The following ZNF554 variants were observed in gnomAD, a reference collection of about 807,000 sequenced individuals.
ZNF554 encodes the protein zinc finger protein 554.
ZNF554 carries 15 observed loss-of-function variants against 21.2 expected under a neutral mutation model. The observed-to-expected ratio is 0.71, with a 90% CI of 0.47 to 1.09. ZNF554 has a LOEUF of 1.09. Ranked by LOEUF, ZNF554 falls within the 50% of genes least tolerant of loss-of-function variation. ZNF554 has a pLI of 0.00. For missense variants in ZNF554, 691 were observed against 662.7 expected (o/e 1.04, Z -0.47); for synonymous variants, 258 against 251.4 (o/e 1.03, Z -0.25).
At chr19:2,826,057 C>T (rs1004225414) in intron 2 of ZNF554, among the ~76,000 whole-genome samples, 5 of 151,736 alleles carry the variant, frequency 3.3e-5, no homozygotes, top group South Asian at 4.2e-4. Context: ...CCCGTCACCA[C>T]GCTTGACTAA....
chr19:2,820,362 T>G (rs1033511731), intron 1 of ZNF554, among the ~76,000 whole-genome samples: 4 of 152,282 alleles, frequency 2.6e-5, no homozygotes, highest in Admixed American at 2.6e-4. Flanking sequence ...AGGCCCAGCC[T>G]GCAAGGAGAG....
chr19:2,826,867 T>C (rs1599546999), intron 2 of ZNF554, among the ~76,000 whole-genome samples: 1 of 152,206 alleles, frequency 6.6e-6, no homozygotes, highest in East Asian at 1.9e-4. Context: ...TTTCACTGCG[T>C]TCGCCAGGAT....
At chr19:2,823,166 C>T (rs1184305247) in intron 2 of ZNF554, 54 bp downstream of exon 2, 4 of 1,551,144 alleles carry the variant, frequency 2.6e-6, no homozygotes, top group African/African-American at 1.4e-5. Flanking sequence ...AGGGAACAAT[C>T]CCACCAGAAA....
chr19:2,823,873 G>A (rs2087294908), intron 2 of ZNF554, among the ~76,000 whole-genome samples: 1 of 152,126 alleles, frequency 6.6e-6, no homozygotes, highest in Non-Finnish European at 1.5e-5. Context: ...TGGGAGGGTC[G>A]AAAGAGGCAC....
rs1307998721 is a variant in ZNF554, at chr19:2,827,741, TG to T, written c.253+1del. The T allele has an allele frequency of 2.5e-6, 4 of 1,613,826 alleles. No individual in the cohort carries two copies. The highest frequency in any genetic ancestry group is 3.4e-6 in the Non-Finnish European group (4 of 1,179,940). On this transcript the variant is annotated frameshift_variant and splice_region_variant, in exon 3 of 5. Transcript: ENST00000317243. LOFTEE classifies it high-confidence loss of function. ...GAGAACTACAGGAACGTGGTCTCCCTGGGTAAGGCAAGCATCACTAATTCCT... is the reference window on the plus strand; with the variant it reads ...GAGAACTACAGGAACGTGGTCTCCCTGGTAAGGCAAGCATCACTAATTCCT... Reference protein sequence around the residue: ...MLENYRNVVSLEALKNQCTDV... With the variant: ...MLENYRNVVSXEALKNQCTDV...
At chr19:2,828,688 A>G (rs1453926864) in intron 3 of ZNF554, among the ~76,000 whole-genome samples, 1 of 152,116 alleles carries the variant, frequency 6.6e-6, no homozygotes, top group African/African-American at 2.4e-5. Context: ...AAAAAAAAAA[A>G]AAAAGCAAGA....
At chr19:2,826,716 C>T (rs1463676789) in intron 2 of ZNF554, among the ~76,000 whole-genome samples, 1 of 150,124 alleles carries the variant, frequency 6.7e-6, no homozygotes, top group Non-Finnish European at 1.5e-5. Context: ...GGCTGGAGTG[C>T]AGTGGCGTGA....
At chr19:2,831,597 T>G (rs2087421139) in intron 3 of ZNF554, 1 of 142,566 alleles carries the variant, frequency 7.0e-6, no homozygotes, top group African/African-American at 2.6e-5. Flanking sequence ...CCCGCCCTTT[T>G]TTTTTTTTTT....
chr19:2,822,424 A>G (rs535341190), intron 1 of ZNF554, among the ~76,000 whole-genome samples: 9 of 152,202 alleles, frequency 5.9e-5, no homozygotes, highest in African/African-American at 2.2e-4. Flanking sequence ...CTGGGAAAGG[A>G]TATATTCCTG....
At chr19:2,827,030 C>G (rs1568333404) in intron 2 of ZNF554, among the ~76,000 whole-genome samples, 1 of 152,180 alleles carries the variant, frequency 6.6e-6, no homozygotes. Flanking sequence ...GCAAAGAGAA[C>G]TAATCTCTAA....
intron 3 of ZNF554, among the ~76,000 whole-genome samples, chr19:2,828,691 AAG>A (rs2087370574): frequency 1.3e-5 from 2 of 151,910 alleles, no homozygotes; most frequent in African/African-American, 4.8e-5. Context: ...AAAAAAAAAA[AAG>A]CAAGAAAAGA....
intron 4 of ZNF554, 31 bp downstream of exon 4, chr19:2,832,525 A>G: frequency 6.4e-7 from 1 of 1,557,806 alleles, no homozygotes; most frequent in South Asian, 1.2e-5. Context: ...AACCATTGGG[A>G]TGGCAGTGGC....
rs1009737650 is a variant in ZNF554, at chr19:2,835,063, A to T, written c.*211A>T. ...ACCCAGGCTGGAGTCCAGTGGCGTG[A>T]TCATACCTCACTGCAGCTTCAACTT... On this transcript the variant is annotated 3_prime_UTR_variant, in exon 5 of 5. Coordinates refer to ENST00000317243, the MANE Select transcript of ZNF554 (RefSeq NM_001102651.2). 6 of 520,878 alleles carry T rather than the reference A, an allele frequency of 1.2e-5. No individual in the cohort carries two copies. The highest frequency in any genetic ancestry group is 2.0e-5 in the Non-Finnish European group (6 of 294,320). The allele number at this position is 520,878 out of a possible 1,614,324, so 32.3% of individuals were successfully genotyped here. A position where few individuals can be genotyped will look rare whatever the true frequency, so the allele number is the denominator to read the frequency against.
At chr19:2,827,774 A>G (rs1482155847) in intron 3 of ZNF554, 31 bp downstream of exon 3, 3 of 1,613,052 alleles carry the variant, frequency 1.9e-6, no homozygotes, top group East Asian at 4.5e-5. Flanking sequence ...TCCTGTGTTC[A>G]TTGATTCACA....
Position 2,836,458 on chromosome 19 carries a change from A to G in ZNF554, c.*1606A>G, listed in dbSNP as rs533956896. Among the ~76,000 whole-genome samples the G allele has an allele frequency of 4.6e-5, 7 of 152,344 alleles. No individual in the cohort carries two copies. The South Asian group carries it at 1.4e-3, about 32-fold the overall frequency. ...GTTTGTCTTCTGCAGTACTGTGCTG[A>G]TCCAGAGTATATGCTAAGACGGAAA... is the stretch of plus-strand genomic sequence containing the variant. On this transcript the variant is annotated 3_prime_UTR_variant, in exon 5 of 5. Coordinates refer to ENST00000317243, the MANE Select transcript of ZNF554 (RefSeq NM_001102651.2).
At chr19:2,822,944 C>G in intron 1 of ZNF554, 96 bp from the exon 2 acceptor site, 1 of 1,301,898 alleles carries the variant, frequency 7.7e-7, no homozygotes, top group South Asian at 1.3e-5. Context: ...GTATGGGGGG[C>G]CCCTTCAAGC....
intron 1 of ZNF554, among the ~76,000 whole-genome samples, chr19:2,822,413 A>G (rs77082760): frequency 0.05 from 7,597 of 152,198 alleles, 663 homozygotes; most frequent in African/African-American, 0.17. Context: ...GACTTCCAGA[A>G]CTGGGAAAGG....
rs1008047701 is a variant in ZNF554, at chr19:2,835,213, C to T, written c.*361C>T. On this transcript the variant is annotated 3_prime_UTR_variant, in exon 5 of 5. Coordinates refer to ENST00000317243, the MANE Select transcript of ZNF554 (RefSeq NM_001102651.2). Reference sequence around the variant, plus strand: ...GGAGGCAGGGTGCGGTGGCTCATGCCTATAATCCTAACACTTTAGGAGGCC... The same window carrying T: ...GGAGGCAGGGTGCGGTGGCTCATGCTTATAATCCTAACACTTTAGGAGGCC... The T allele has an allele frequency of 1.3e-4, 25 of 195,508 alleles. No individual in the cohort carries two copies. Among genetic ancestry groups the T allele is most frequent in the South Asian group, 2.8e-4 (3 of 10,634 alleles). 12.1% of individuals were successfully genotyped at this position (195,508 alleles called of 1,614,324 possible).
rs767658899 is a variant in ZNF554, at chr19:2,833,875, G to C, written c.640G>C (p.Glu214Gln). The change falls in exon 5 of 5, where the codon GAG becomes CAG. Residue 214 changes from glutamate to glutamine, a missense_variant. Transcript: ENST00000317243. ...CCTTCACGTAGTGGCCGTTCCTCAGGAGAAGGCTACTGCATGGCATGGATT... is the reference window on the plus strand; with the variant it reads ...CCTTCACGTAGTGGCCGTTCCTCAGCAGAAGGCTACTGCATGGCATGGATT... ...ASLHVVAVPQ[E>Q]KATAWHGFGE... 2.5e-6 allele frequency: 4 copies of C among 1,613,166 alleles called. No individual in the cohort carries two copies. In the East Asian group the frequency reaches 6.7e-5, roughly 27 times the overall value.
Sources: allele counts gnomAD v4.1 joint callset (sites outside exome capture counted in the v4.1 genomes callset), GRCh38; gene constraint gnomAD v4.1.1; transcripts MANE v1.5; gene names NCBI Gene and HGNC (gene_info 2026-07-23, HGNC 2026-07-21).